Variants in CACNA2D3 observed in about 807,000 individuals in gnomAD.
The protein encoded by CACNA2D3 is voltage-dependent calcium channel subunit alpha-2/delta-3.
CACNA2D3 carries 60 observed loss-of-function variants against 160.6 expected under a neutral mutation model. That is an observed-to-expected ratio of 0.37 (90% CI 0.30 to 0.46). The LOEUF is 0.46. Among genes scored for constraint, CACNA2D3 ranks in the 20% least tolerant of loss-of-function variants. The pLI, the probability that CACNA2D3 is intolerant of heterozygous loss-of-function variation, is 1.00. For missense variants in CACNA2D3, 1,205 were observed against 1,365.0 expected (o/e 0.88, Z 1.85); for synonymous variants, 558 against 492.9 (o/e 1.13, Z -1.75).
At chr3:54,545,686 A>G (rs575680283) in intron 5 of CACNA2D3, among the ~76,000 whole-genome samples, 1 of 152,312 alleles carries the variant, frequency 6.6e-6, no homozygotes, top group South Asian at 2.1e-4. Flanking sequence ...CACTTGGGGA[A>G]TGATCCTGAC....
At chr3:54,159,000 G>T (rs775007169) in intron 2 of CACNA2D3, among the ~76,000 whole-genome samples, 1 of 152,204 alleles carries the variant, frequency 6.6e-6, no homozygotes, top group Non-Finnish European at 1.5e-5. Flanking sequence ...TAAGAGTCAC[G>T]TGTCTGTTCA....
At chr3:54,348,648 C>T (rs1390398334) in intron 3 of CACNA2D3, among the ~76,000 whole-genome samples, 1 of 152,248 alleles carries the variant, frequency 6.6e-6, no homozygotes, top group Non-Finnish European at 1.5e-5. Context: ...GCAAATGGCA[C>T]TAAAATTATT....
At chr3:54,979,774 A>T (rs1358667989) in intron 29 of CACNA2D3, among the ~76,000 whole-genome samples, 3 of 152,298 alleles carry the variant, frequency 2.0e-5, no homozygotes, top group African/African-American at 7.2e-5. Context: ...ACATTATCAG[A>T]AATCTGCATT....
chr3:54,924,827 G>T (rs1700963796), intron 27 of CACNA2D3: 1 of 1,614,032 alleles, frequency 6.2e-7, no homozygotes, highest in Non-Finnish European at 8.5e-7. Flanking sequence ...GGCTTATGTT[G>T]TTTGATGACA....
chr3:54,812,796 C>G (rs1703353307), intron 13 of CACNA2D3, among the ~76,000 whole-genome samples: 1 of 152,224 alleles, frequency 6.6e-6, no homozygotes, highest in South Asian at 2.1e-4. Context: ...CATTTCCTGA[C>G]TGGGGTGACC....
intron 11 of CACNA2D3, among the ~76,000 whole-genome samples, chr3:54,706,825 A>G (rs928193312): frequency 1.3e-5 from 2 of 152,132 alleles, no homozygotes; most frequent in African/African-American, 4.8e-5. Flanking sequence ...TGGCCAATAT[A>G]ATGGATTTCA....
chr3:54,927,958 T>C (rs765874953), intron 27 of CACNA2D3: 14 of 1,600,386 alleles, frequency 8.7e-6, no homozygotes, highest in Middle Eastern at 3.3e-4. Context: ...GACCCTTTAA[T>C]TAATGTGCAG....
chr3:54,909,007 A>C (rs997249944), intron 27 of CACNA2D3, among the ~76,000 whole-genome samples: 1 of 152,230 alleles, frequency 6.6e-6, no homozygotes, highest in Non-Finnish European at 1.5e-5. Flanking sequence ...TCACCTATTT[A>C]AACATGTTTC....
At chr3:54,170,775 A>G (rs1018469850) in intron 2 of CACNA2D3, among the ~76,000 whole-genome samples, 9 of 152,196 alleles carry the variant, frequency 5.9e-5, no homozygotes, top group East Asian at 1.9e-4. Flanking sequence ...TAAAGCTTCT[A>G]TTCTGTTTAA....
chr3:54,772,143 T>A (rs1329316977), intron 13 of CACNA2D3, among the ~76,000 whole-genome samples: 1 of 149,080 alleles, frequency 6.7e-6, no homozygotes, highest in Non-Finnish European at 1.5e-5. Flanking sequence ...GGTAAGTATT[T>A]GTTGATTATC....
intron 14 of CACNA2D3, among the ~76,000 whole-genome samples, chr3:54,821,684 C>T (rs886867245): frequency 3.1e-5 from 4 of 131,146 alleles, no homozygotes; most frequent in Non-Finnish European, 6.5e-5. Flanking sequence ...TTCTTTCTTT[C>T]TTTCTTTCTT....
intron 2 of CACNA2D3, among the ~76,000 whole-genome samples, chr3:54,269,426 G>A (rs375992855): frequency 3.3e-5 from 5 of 152,198 alleles, no homozygotes; most frequent in African/African-American, 1.2e-4. Flanking sequence ...TTTTAATGAA[G>A]AATAAGATAA....
intron 27 of CACNA2D3, among the ~76,000 whole-genome samples, chr3:54,901,422 C>A (rs1289814736): frequency 1.3e-5 from 2 of 152,186 alleles, no homozygotes; most frequent in African/African-American, 2.4e-5. Context: ...TCATAAATGC[C>A]TGTTTGGCTG....
rs558989711 is a variant in CACNA2D3 at position 54,717,761 on chromosome 3, C to T, written c.1168-34838C>T. On this transcript the variant is annotated intron_variant, in intron 11 of 37. Transcript: ENST00000474759. ...GCATGTGTGGTGTGGTGTGTGCAAG[C>T]GTGTGTGTGGTGTGTGTGCATGTGC... Among the ~76,000 whole-genome samples the T allele has an allele frequency of 9.3e-4, 81 of 87,106 alleles. 2 individuals are homozygous for T. In the Admixed American group the frequency reaches 0.011, roughly 12 times the overall value. 57.1% of individuals were successfully genotyped at this position (87,106 alleles called of 152,430 possible). A position where few individuals can be genotyped will look rare whatever the true frequency, so the allele number is the denominator to read the frequency against.
intron 31 of CACNA2D3, among the ~76,000 whole-genome samples, chr3:54,988,722 A>G (rs551887950): frequency 6.6e-5 from 10 of 152,252 alleles, no homozygotes; most frequent in African/African-American, 2.4e-4. Flanking sequence ...CTAGTCAACA[A>G]GACCAACTGA....
intron 2 of CACNA2D3, among the ~76,000 whole-genome samples, chr3:54,241,676 G>C (rs771311889): frequency 6.6e-6 from 1 of 152,196 alleles, no homozygotes; most frequent in African/African-American, 2.4e-5. Context: ...ATGGATGCCA[G>C]ACTGGCAATA....
intron 27 of CACNA2D3, among the ~76,000 whole-genome samples, chr3:54,937,962 A>T (rs571208627): frequency 6.6e-6 from 1 of 152,256 alleles, no homozygotes; most frequent in South Asian, 2.1e-4. Context: ...TCACCATCTG[A>T]CCATAACCAG....
At chr3:54,981,705 A>G (rs1298358117) in intron 29 of CACNA2D3, among the ~76,000 whole-genome samples, 1 of 152,230 alleles carries the variant, frequency 6.6e-6, no homozygotes, top group East Asian at 1.9e-4. Context: ...ACACAAAGGA[A>G]AATGATTTTC....
At chr3:54,624,252 G>C (rs1310170885) in intron 9 of CACNA2D3, among the ~76,000 whole-genome samples, 2 of 152,132 alleles carry the variant, frequency 1.3e-5, no homozygotes, top group African/African-American at 4.8e-5. Flanking sequence ...CTGTAAAAAA[G>C]CAACCATTGC....
Sources: gnomAD v4.1 joint callset for allele counts (sites outside exome capture counted in the v4.1 genomes callset) on GRCh38, gnomAD v4.1.1 for gene constraint, MANE v1.5 for transcripts, NCBI Gene and HGNC (gene_info 2026-07-23, HGNC 2026-07-21) for gene names.